The following CYRIB variants were observed in gnomAD, a reference collection of about 807,000 sequenced individuals.
CYRIB encodes CYFIP related Rac1 interactor B.
A neutral mutation model predicts 44.2 loss-of-function variants in CYRIB; 8 were observed. The ratio of observed to expected loss-of-function variants is 0.18; its 90% confidence interval spans 0.11 to 0.33. The LOEUF (loss-of-function observed/expected upper bound fraction) is 0.33, where lower values mean the gene tolerates loss of function less well. Among genes scored for constraint, CYRIB ranks in the 10% least tolerant of loss-of-function variants. The pLI, the probability that CYRIB is intolerant of heterozygous loss-of-function variation, is 1.00. For synonymous variants in CYRIB, 131 were observed against 127.2 expected, an observed-to-expected ratio of 1.03 and a Z score of -0.20; for missense variants, 185 against 382.8, an observed-to-expected ratio of 0.48 and a Z score of 4.31.
At chr8:129,947,571 G>A (rs1051075308) in intron 2 of CYRIB, among the ~76,000 whole-genome samples, 3 of 152,060 alleles carry the variant, frequency 2.0e-5, no homozygotes, top group Admixed American at 6.6e-5. Context: ...GGGAGGACCC[G>A]AGCAGTAAAT....
At chr8:129,943,650 G>C (rs1221602925), upstream of CYRIB, among the ~76,000 whole-genome samples, 21 of 124,242 alleles carry the variant, frequency 1.7e-4, 1 homozygote, top group Admixed American at 1.8e-3. Context: ...CCAGGCGGGA[G>C]TGCAGTGGCG....
chr8:129,932,391 T>C (rs186718419), intron 1 of CYRIB, among the ~76,000 whole-genome samples: 1 of 152,278 alleles, frequency 6.6e-6, no homozygotes, highest in East Asian at 1.9e-4. Flanking sequence ...ATAAATATAA[T>C]GTATTCCTCC....
rs2057069072 is a variant in CYRIB, at chr8:129,871,242, A to T, written c.195+133T>A. ...ATTTCACTGCAATCACTTCTGAAAC[A>T]ATGCCAAGTGAGCATCCTTCAAATA... On this transcript the variant is annotated intron_variant, in intron 4 of 11. Transcript: ENST00000519824. 2.9e-6 allele frequency: 3 copies of T among 1,051,616 alleles called. No homozygotes were observed. The South Asian group carries it at 6.3e-5, about 22-fold the overall frequency. The allele number at this position is 1,051,616 out of a possible 1,614,324, so 65.1% of individuals were successfully genotyped here.
At chr8:129,866,377 T>C (rs1433490443) in intron 4 of CYRIB, among the ~76,000 whole-genome samples, 1 of 152,208 alleles carries the variant, frequency 6.6e-6, no homozygotes, top group Admixed American at 6.5e-5. Flanking sequence ...TACTGGTTTC[T>C]ATGGACTAAT....
At chr8:130,011,860 TAAAA>T (rs768606211) in intron 1 of CYRIB, among the ~76,000 whole-genome samples, 4 of 147,064 alleles carry the variant, frequency 2.7e-5, no homozygotes, top group African/African-American at 5.0e-5. Context: ...TAAAAATAAT[TAAAA>T]AAAAAAAGAA....
intron 1 of CYRIB, among the ~76,000 whole-genome samples, chr8:129,929,187 T>G (rs1181020554): frequency 6.6e-6 from 1 of 152,084 alleles, no homozygotes; most frequent in Non-Finnish European, 1.5e-5. Context: ...ATACTGTATG[T>G]TCCATTCATA....
At chr8:129,947,016 T>G (rs2131141593) in intron 2 of CYRIB, among the ~76,000 whole-genome samples, 1 of 152,110 alleles carries the variant, frequency 6.6e-6, no homozygotes, top group Admixed American at 6.5e-5. Flanking sequence ...GTCACTGGTG[T>G]TTTTCCTTCA....
At chr8:129,906,843 GA>G (rs1371578428) in intron 1 of CYRIB, among the ~76,000 whole-genome samples, 7 of 152,070 alleles carry the variant, frequency 4.6e-5, no homozygotes, top group Non-Finnish European at 2.9e-5. Context: ...CAAGAGACAA[GA>G]AAAAATGCTC....
Position 129,897,041 on chromosome 8 carries a change from G to A in CYRIB, c.-11+6271C>T, listed in dbSNP as rs189291314. On this transcript the variant is annotated intron_variant, in intron 2 of 11. Transcript: ENST00000519824. The stretch of plus-strand genomic sequence containing the variant: ...CCTTAATTTCTGGGGTTGACTAGGG[G>A]CTCTTCTCAACACTATAGTCACTGT... 4.5e-4 allele frequency among the ~76,000 whole-genome samples: 69 copies of A among 152,292 alleles called. No homozygotes were observed. The South Asian group carries it at 1.0e-2, about 22-fold the overall frequency.
chr8:129,975,096 G>T (rs1317493075), intron 1 of CYRIB, among the ~76,000 whole-genome samples: 1 of 152,086 alleles, frequency 6.6e-6, no homozygotes, highest in Non-Finnish European at 1.5e-5. Flanking sequence ...GGCCAGGCTG[G>T]TCTCGAACGC....
intron 2 of CYRIB, among the ~76,000 whole-genome samples, chr8:129,884,443 C>G (rs2061955309): frequency 6.6e-6 from 1 of 152,052 alleles, no homozygotes; most frequent in Admixed American, 6.6e-5. Flanking sequence ...CATGCACCAC[C>G]ACGCCCGGCT....
At chr8:129,943,836 T>G (rs2093934737), upstream of CYRIB, among the ~76,000 whole-genome samples, 1 of 146,758 alleles carries the variant, frequency 6.8e-6, no homozygotes, top group African/African-American at 2.5e-5. Flanking sequence ...CCTGACCACG[T>G]GATCCGCCCG....
exon 12 of CYRIB, chr8:129,840,125 CA>C: frequency 1.2e-5 from 2 of 168,816 alleles, no homozygotes; most frequent in Non-Finnish European, 2.7e-5. Flanking sequence ...GCTGCTGTAC[CA>C]AAATACCACA....
intron 1 of CYRIB, among the ~76,000 whole-genome samples, chr8:129,909,512 C>G (rs1457604184): frequency 6.6e-6 from 1 of 151,864 alleles, no homozygotes; most frequent in Non-Finnish European, 1.5e-5. Context: ...ATTAAAAACT[C>G]TGCCAAAATA....
At chr8:129,859,470 G>A (rs561842801) in intron 5 of CYRIB, among the ~76,000 whole-genome samples, 21 of 152,106 alleles carry the variant, frequency 1.4e-4, no homozygotes, top group South Asian at 6.2e-4. Flanking sequence ...AAACTCCCCC[G>A]GGGAAAGGGA....
intron 2 of CYRIB, among the ~76,000 whole-genome samples, chr8:129,882,237 C>T (rs922827288): frequency 6.6e-6 from 1 of 152,138 alleles, no homozygotes; most frequent in Non-Finnish European, 1.5e-5. Context: ...ACCAGAAATT[C>T]GACTCTAGCT....
At chr8:129,906,123 A>T (rs1189170346) in intron 1 of CYRIB, among the ~76,000 whole-genome samples, 1 of 152,132 alleles carries the variant, frequency 6.6e-6, no homozygotes, top group Non-Finnish European at 1.5e-5. Context: ...TATGGAACCA[A>T]AAAAGAGCCC....
chr8:129,959,070 A>C (rs1295506475), intron 2 of CYRIB, among the ~76,000 whole-genome samples: 1 of 149,608 alleles, frequency 6.7e-6, no homozygotes, highest in Non-Finnish European at 1.5e-5. Flanking sequence ...AAAAAAAAAA[A>C]AAAAAAAAAA....
At chr8:129,965,944 C>G (rs933307835) in intron 2 of CYRIB, among the ~76,000 whole-genome samples, 2 of 152,022 alleles carry the variant, frequency 1.3e-5, no homozygotes, top group African/African-American at 4.8e-5. Flanking sequence ...CTCCGCCTCC[C>G]AGATTCAAGC....
Sources: allele counts gnomAD v4.1 joint callset (sites outside exome capture counted in the v4.1 genomes callset), GRCh38; gene constraint gnomAD v4.1.1; transcripts MANE v1.5; gene names NCBI Gene and HGNC (gene_info 2026-07-23, HGNC 2026-07-21).